PLXNA2: variants seen among roughly 807,000 people sequenced by gnomAD.
PLXNA2 encodes the protein plexin-A2.
A neutral mutation model predicts 193.5 loss-of-function variants in PLXNA2; 91 were observed. The observed-to-expected ratio is 0.47, with a 90% CI of 0.40 to 0.56. The LOEUF is 0.56. Ranked by LOEUF, PLXNA2 falls within the 20% of genes least tolerant of loss-of-function variation. The pLI is 0.00. For synonymous variants in PLXNA2, 997 were observed against 1,027.3 expected, an observed-to-expected ratio of 0.97 and a Z score of 0.56; for missense variants, 1,995 against 2,503.2, an observed-to-expected ratio of 0.80 and a Z score of 4.33.
At chr1:208,201,291 T>C (rs1045221460) in intron 3 of PLXNA2, among the ~76,000 whole-genome samples, 4 of 152,196 alleles carry the variant, frequency 2.6e-5, no homozygotes, top group African/African-American at 9.6e-5. Context: ...GGGCCTGTTT[T>C]AGTTAATTCT....
intron 1 of PLXNA2, among the ~76,000 whole-genome samples, chr1:208,241,163 C>A (rs1672038030): frequency 6.6e-6 from 1 of 152,172 alleles, no homozygotes; most frequent in Non-Finnish European, 1.5e-5. Context: ...GCTGAGTAAG[C>A]AGAAGTATTG....
At chr1:208,121,901 A>T (rs1234665537) in intron 4 of PLXNA2, among the ~76,000 whole-genome samples, 1 of 152,088 alleles carries the variant, frequency 6.6e-6, no homozygotes, top group Non-Finnish European at 1.5e-5. Context: ...AACTTCACAC[A>T]TGCTCACATC....
At chr1:208,124,718 CTA>C (rs1352849428) in intron 4 of PLXNA2, among the ~76,000 whole-genome samples, 1 of 150,168 alleles carries the variant, frequency 6.7e-6, no homozygotes, top group Non-Finnish European at 1.5e-5. Flanking sequence ...CAGAGATACC[CTA>C]TGTTTTAGGC....
intron 12 of PLXNA2, among the ~76,000 whole-genome samples, chr1:208,075,733 A>G (rs567751684): frequency 5.4e-4 from 77 of 143,212 alleles, no homozygotes; most frequent in Middle Eastern, 3.5e-3. Context: ...TCTAGTGTAA[A>G]GAAGAGCTTT....
Position 208,084,411 on chromosome 1 carries a change from T to C in PLXNA2, c.2267A>G (p.Asn756Ser). The C allele has an allele frequency of 6.2e-7, 1 of 1,614,280 alleles. No homozygotes were observed. The highest frequency in any genetic ancestry group is 8.5e-7 in the Non-Finnish European group (1 of 1,180,052). ...AIHRVPALRFNSSSVQCQNSS... is the reference protein window; with the variant it reads ...AIHRVPALRFSSSSVQCQNSS... Reference sequence around the variant, plus strand: ...GTTCTGACACTGAACGCTGGAGCTGTTGAAGCGCAGAGCGGGGACCCGGTG... The same window carrying C: ...GTTCTGACACTGAACGCTGGAGCTGCTGAAGCGCAGAGCGGGGACCCGGTG... The change falls in exon 10 of 32, where the codon AAC becomes AGC. Residue 756 changes from asparagine to serine, a missense_variant. By Grantham distance (46) the Asn-to-Ser change is conservative. Around this residue, in one of 3 missense-constraint regions of PLXNA2, gnomAD observed 1,291 missense variants for 1,673.6 expected, o/e 0.77. Coordinates refer to ENST00000367033, the MANE Select transcript of PLXNA2 (RefSeq NM_025179.4).
At chr1:208,102,452 A>G (rs1321712206) in intron 5 of PLXNA2, among the ~76,000 whole-genome samples, 5 of 152,252 alleles carry the variant, frequency 3.3e-5, no homozygotes, top group Admixed American at 3.3e-4. Flanking sequence ...TTTAGCATTT[A>G]TATTGAGTTG....
At chr1:208,144,409 G>C (rs558630570) in intron 3 of PLXNA2, among the ~76,000 whole-genome samples, 5 of 152,318 alleles carry the variant, frequency 3.3e-5, no homozygotes, top group Middle Eastern at 6.8e-3. Flanking sequence ...CCAGGGCTTG[G>C]TCTGTACCTG....
chr1:208,202,127 A>G (rs903937731), intron 3 of PLXNA2, among the ~76,000 whole-genome samples: 1 of 151,946 alleles, frequency 6.6e-6, no homozygotes. Context: ...TACAGGCACA[A>G]TGCCGCCATG....
At position 208,079,390 on chromosome 1, in the gene PLXNA2, C is replaced by T. The variant is rs369205564; in HGVS notation, c.2456G>A (p.Arg819Gln). Residue 819 changes from arginine (R) to glutamine (Q), a missense_variant, in exon 12 of 32, where the codon CGG (arginine) becomes CAG (glutamine). Arg to Gln is a conservative substitution (Grantham distance 43). Coordinates refer to ENST00000367033, the MANE Select transcript of PLXNA2 (RefSeq NM_025179.4). ...GCTGCACCAGCCACACTCAAACTTCCGGTCGGCCTTGAGGCAGAGGCCGCA... is the reference window on the plus strand; with the variant it reads ...GCTGCACCAGCCACACTCAAACTTCTGGTCGGCCTTGAGGCAGAGGCCGCA... ...ESCGLCLKADRKFECGWCSGE... is the reference protein window; with the variant it reads ...ESCGLCLKADQKFECGWCSGE... 1.6e-5 allele frequency: 26 copies of T among 1,613,564 alleles called. 1 individual carries two copies. The South Asian group carries it at 1.6e-4, about 10-fold the overall frequency.
intron 15 of PLXNA2, among the ~76,000 whole-genome samples, chr1:208,051,686 T>C (rs1239790320): frequency 3.9e-5 from 6 of 152,188 alleles, no homozygotes; most frequent in Admixed American, 3.3e-4. Flanking sequence ...AACTCCTTTT[T>C]TCTGGATTTT....
intron 1 of PLXNA2, among the ~76,000 whole-genome samples, chr1:208,241,623 C>T (rs1055572171): frequency 1.4e-4 from 22 of 152,322 alleles, no homozygotes; most frequent in Admixed American, 2.6e-4. Context: ...AGCATCTTCC[C>T]TGCACATCGC....
chr1:208,106,545 C>A (rs529477090), intron 4 of PLXNA2, among the ~76,000 whole-genome samples: 15 of 152,230 alleles, frequency 9.9e-5, no homozygotes, highest in Admixed American at 9.2e-4. Context: ...TAGCTTCATG[C>A]GGCTATTGAG....
chr1:208,163,099 T>G (rs1235327438), intron 3 of PLXNA2, among the ~76,000 whole-genome samples: 1 of 152,046 alleles, frequency 6.6e-6, no homozygotes, highest in Non-Finnish European at 1.5e-5. Flanking sequence ...GACTGACCCT[T>G]GAGCCAAGGC....
At chr1:208,027,822 A>G (rs1302744555) in intron 31 of PLXNA2, among the ~76,000 whole-genome samples, 187 bp downstream of exon 31, 2 of 152,282 alleles carry the variant, frequency 1.3e-5, no homozygotes, top group East Asian at 3.8e-4. Context: ...TGAGTGAAAG[A>G]CAATGAAGTG....
At chr1:208,146,474 C>A (rs1273048181) in intron 3 of PLXNA2, among the ~76,000 whole-genome samples, 1 of 152,190 alleles carries the variant, frequency 6.6e-6, no homozygotes, top group Non-Finnish European at 1.5e-5. Flanking sequence ...CAGAGGAAAG[C>A]ACATGGCTGA....
At chr1:208,229,853 C>T (rs1671633249) in intron 1 of PLXNA2, among the ~76,000 whole-genome samples, 1 of 152,152 alleles carries the variant, frequency 6.6e-6, no homozygotes, top group African/African-American at 2.4e-5. Context: ...AGGGAAGTCC[C>T]CTTGGAAGGT....
chr1:208,033,626 GA>G, intron 27 of PLXNA2, 117 bp from the exon 28 acceptor site: 1 of 779,084 alleles, frequency 1.3e-6, no homozygotes, highest in Non-Finnish European at 2.0e-6. Context: ...CATTTCAGCT[GA>G]AAGGGGACCG....
intron 13 of PLXNA2, among the ~76,000 whole-genome samples, chr1:208,055,008 G>C (rs1039886715): frequency 6.6e-6 from 1 of 152,196 alleles, no homozygotes; most frequent in Non-Finnish European, 1.5e-5. Flanking sequence ...GTTGTGGTTT[G>C]CTTCCTGTAG....
At position 208,128,198 on chromosome 1, in the gene PLXNA2, A is replaced by G. The variant is rs569618500; in HGVS notation, c.1506+14131T>C. 4.6e-5 allele frequency among the ~76,000 whole-genome samples: 7 copies of G among 152,340 alleles called. No homozygotes were observed. In the South Asian group the frequency reaches 1.5e-3, roughly 32 times the overall value. On this transcript the variant is annotated intron_variant, in intron 4 of 31. Coordinates refer to ENST00000367033, the MANE Select transcript of PLXNA2 (RefSeq NM_025179.4). ...GACGGCAGGAGCTGACAACTGGCAA[A>G]TGAGCCTCCACAGTTATCTGTTTTC...
Sources: gnomAD v4.1 joint callset for allele counts (sites outside exome capture counted in the v4.1 genomes callset) on GRCh38, gnomAD v4.1.1 for gene constraint, gnomAD v4.1.1 regional missense constraint, MANE v1.5 for transcripts, NCBI Gene and HGNC (gene_info 2026-07-23, HGNC 2026-07-21) for gene names.